Variants in RNF128 observed in about 807,000 individuals in gnomAD.
RNF128 encodes E3 ubiquitin-protein ligase RNF128.
RNF128 carries 13 observed loss-of-function variants against 26.2 expected under a neutral mutation model. The ratio of observed to expected loss-of-function variants is 0.50; its 90% confidence interval spans 0.32 to 0.79. The LOEUF is 0.79. Among genes scored for constraint, RNF128 ranks in the 30% least tolerant of loss-of-function variants. RNF128 has a pLI of 0.03. For missense variants in RNF128, 315 were observed against 349.7 expected, an observed-to-expected ratio of 0.90 and a Z score of 0.79; for synonymous variants, 149 against 142.5, an observed-to-expected ratio of 1.05 and a Z score of -0.32.
At chrX:106,729,420 A>T (rs906866806) in intron 1 of RNF128, among the ~76,000 whole-genome samples, 4 of 110,796 alleles carry the variant, frequency 3.6e-5, no homozygotes, top group Non-Finnish European at 7.6e-5. Context: ...ATATATATAT[A>T]TACTACCCAG....
At chrX:106,713,903 C>T (rs976662663) in intron 1 of RNF128, among the ~76,000 whole-genome samples, 3 of 111,509 alleles carry the variant, frequency 2.7e-5, no homozygotes, top group African/African-American at 9.8e-5. Flanking sequence ...AGGCCGGGCG[C>T]GGTGGCTCAC....
chrX:106,784,730 TC>T (rs951365923), intron 2 of RNF128, among the ~76,000 whole-genome samples: 2 of 111,744 alleles, frequency 1.8e-5, no homozygotes, highest in African/African-American at 6.5e-5. Context: ...CATATTAATG[TC>T]CTCTGAGCTT....
In RNF128 at chrX:106,698,833, C is replaced by G. The variant is rs1250780391; in HGVS notation, c.406+4425C>G. Among the ~76,000 whole-genome samples, 4 of 111,207 alleles carry G rather than the reference C, an allele frequency of 3.6e-5. No individual in the cohort carries two copies. In the East Asian group the frequency reaches 1.1e-3, roughly 32 times the overall value. On this transcript the variant is annotated intron_variant, in intron 1 of 6. Coordinates refer to the RNF128 transcript ENST00000324342. ...TCAAACTTCTTTCCAAGACTTTATC[C>G]AGCTCTGAATCATCTGGCCTACTGC... is the stretch of plus-strand genomic sequence containing the variant.
rs748212761 is a variant in RNF128 at position 106,706,804 on chromosome X, A to G, written c.406+12396A>G. ...GTAAGGATTAAATTACATAATGCAT[A>G]TAAAGAAGGCACTTTGCACAATGTC... On this transcript the variant is annotated intron_variant, in intron 1 of 6. Coordinates refer to the RNF128 transcript ENST00000324342. Among the ~76,000 whole-genome samples, 5 of 112,460 alleles carry G rather than the reference A, an allele frequency of 4.4e-5. No individual in the cohort carries two copies. In the South Asian group the frequency reaches 1.8e-3, roughly 41 times the overall value.
chrX:106,720,931 A>G (rs911701686), intron 1 of RNF128, among the ~76,000 whole-genome samples: 1 of 111,782 alleles, frequency 8.9e-6, no homozygotes, highest in African/African-American at 3.3e-5. Flanking sequence ...TCTTAGTTTT[A>G]GATACAGCGT....
At chrX:106,734,734 T>G (rs1328295515) in intron 1 of RNF128, among the ~76,000 whole-genome samples, 1 of 112,064 alleles carries the variant, frequency 8.9e-6, no homozygotes, top group African/African-American at 3.2e-5. Context: ...AGTACCAAAC[T>G]CCAGAAGAGC....
rs960864571 is a variant in RNF128, at chrX:106,767,220, C to T, written c.485-5693C>T. On this transcript the variant is annotated intron_variant, in intron 1 of 6. Coordinates refer to ENST00000255499, the MANE Select transcript of RNF128 (RefSeq NM_194463.2). ...GCGGGCTCTTTGGGTTCCATATGAA[C>T]TTTAAAGTAGTTTTTTCCAATTCTA... is the stretch of plus-strand genomic sequence containing the variant. Among the ~76,000 whole-genome samples the T allele has an allele frequency of 2.4e-4, 27 of 111,565 alleles. No homozygotes were observed. The Admixed American group carries it at 2.6e-3, about 11-fold the overall frequency.
At chrX:106,793,739 G>A (rs969939320) in intron 6 of RNF128, among the ~76,000 whole-genome samples, 2 of 110,336 alleles carry the variant, frequency 1.8e-5, no homozygotes, top group African/African-American at 6.6e-5. Flanking sequence ...TGCTGTTTCC[G>A]AGTGATTAAA....
At chrX:106,764,813 G>A (rs1004079544) in intron 1 of RNF128, among the ~76,000 whole-genome samples, 14 of 112,034 alleles carry the variant, frequency 1.2e-4, no homozygotes, top group Middle Eastern at 4.6e-3. Context: ...TTATAATATC[G>A]GAAATGAATG....
At chrX:106,723,693 A>T (rs1929351800), upstream of RNF128, among the ~76,000 whole-genome samples, 1 of 110,985 alleles carries the variant, frequency 9.0e-6, no homozygotes, top group Non-Finnish European at 1.9e-5. Context: ...ACCATACCGA[A>T]CTACTGAATG....
chrX:106,715,690 A>C (rs1000548503), intron 1 of RNF128, among the ~76,000 whole-genome samples: 1 of 111,898 alleles, frequency 8.9e-6, no homozygotes, highest in Non-Finnish European at 1.9e-5. Context: ...AATTTCATGA[A>C]TGCATTTTCT....
chrX:106,788,332 T>TACTATATATAATATATATTATATAC (rs1569445260), intron 4 of RNF128, among the ~76,000 whole-genome samples: 5 of 55,908 alleles, frequency 8.9e-5, no homozygotes, highest in African/African-American at 3.8e-4. Flanking sequence ...ATATTATATA[T>TACTATATATAATATATATTATATAC]ACTATATATA....
chrX:106,702,561 A>T (rs988889307), intron 1 of RNF128, among the ~76,000 whole-genome samples: 5 of 111,493 alleles, frequency 4.5e-5, no homozygotes, highest in Non-Finnish European at 7.5e-5. Flanking sequence ...TACCCCAGCT[A>T]CCTCTCTTCC....
At position 106,788,516 on chromosome X, in the gene RNF128, AAT is replaced by A. The variant is rs1233943233; in HGVS notation, c.887+524_887+525del. The stretch of plus-strand genomic sequence containing the variant: ...ATTATAATTATATAATTATAATTAT[AAT>A]ATATATAATATGTATTATATATTAA... On this transcript the variant is annotated intron_variant, in intron 4 of 6. Transcript: ENST00000255499. Among the ~76,000 whole-genome samples the A allele has an allele frequency of 5.2e-3, 295 of 56,532 alleles. 2 individuals are homozygous for A. Among genetic ancestry groups the A allele is most frequent in the African/African-American group, 0.02 (277 of 13,588 alleles). The allele number at this position is 56,532 out of a possible 115,157, so 49.1% of individuals were successfully genotyped here.
intron 1 of RNF128, among the ~76,000 whole-genome samples, chrX:106,735,859 C>G (rs925192741): frequency 2.7e-5 from 3 of 111,024 alleles, no homozygotes; most frequent in Non-Finnish European, 1.9e-5. Flanking sequence ...AATATGGAAT[C>G]TTTCTCTTCT....
chrX:106,712,142 T>G (rs5962731), intron 1 of RNF128, among the ~76,000 whole-genome samples: 12,690 of 111,961 alleles, frequency 0.11, 1,751 homozygotes, highest in African/African-American at 0.39. Flanking sequence ...CGTCTTTATA[T>G]GTCTGAAGAG....
intron 1 of RNF128, among the ~76,000 whole-genome samples, chrX:106,697,623 G>A (rs1327698422): frequency 9.0e-6 from 1 of 111,525 alleles, no homozygotes; most frequent in African/African-American, 3.3e-5. Flanking sequence ...ATAAGTCTAA[G>A]GGATGCTTCC....
At chrX:106,772,032 A>T (rs772939569) in intron 1 of RNF128, among the ~76,000 whole-genome samples, 15 of 112,132 alleles carry the variant, frequency 1.3e-4, no homozygotes, top group African/African-American at 4.5e-4. Flanking sequence ...TTTGCTTAAG[A>T]TTATTGGTCT....
rs1282315876 is a variant in RNF128 at position 106,790,259 on chromosome X, A to G, written c.961A>G (p.Ile321Val). Residue 321 changes from isoleucine (I) to valine (V), a missense_variant, in exon 5 of 7, where the codon ATA becomes GTA. Transcript: ENST00000255499. ...HRTCPMCKCD[I>V]LKALGIEVDV... ...GACTTGCCCCATGTGCAAATGTGAC[A>G]TACTCAAAGCTTTGGGAATTGAGGT... 1.7e-6 allele frequency: 2 copies of G among 1,193,392 alleles called. No homozygotes were observed. Among genetic ancestry groups the G allele is most frequent in the Admixed American group, 2.2e-5 (1 of 45,826 alleles).
Sources: gnomAD v4.1 joint callset for allele counts (sites outside exome capture counted in the v4.1 genomes callset) on GRCh38, gnomAD v4.1.1 for gene constraint, MANE v1.5 for transcripts, NCBI Gene and HGNC (gene_info 2026-07-23, HGNC 2026-07-21) for gene names.